Variants in RPS6KA2 observed in about 807,000 individuals in gnomAD.
RPS6KA2 encodes ribosomal protein S6 kinase A2, also known as ribosomal protein S6 kinase alpha-2.
RPS6KA2 carries 42 observed loss-of-function variants against 91.8 expected under a neutral mutation model. The observed-to-expected ratio is 0.46, with a 90% CI of 0.36 to 0.59. The LOEUF is 0.59. Ranked by LOEUF, RPS6KA2 falls within the 20% of genes least tolerant of loss-of-function variation. RPS6KA2 has a pLI of 0.00. For missense variants in RPS6KA2, 798 were observed against 978.5 expected (o/e 0.82, Z 2.46); for synonymous variants, 414 against 393.6 (o/e 1.05, Z -0.61).
intron 2 of RPS6KA2, among the ~76,000 whole-genome samples, chr6:166,714,093 G>A (rs1209945402): frequency 6.6e-6 from 1 of 152,224 alleles, no homozygotes; most frequent in Admixed American, 6.5e-5. Context: ...CCAGCCATCA[G>A]TGATGAATTA....
At chr6:166,826,124 A>G (rs1186267709) in intron 2 of RPS6KA2, among the ~76,000 whole-genome samples, 1 of 152,238 alleles carries the variant, frequency 6.6e-6, no homozygotes, top group African/African-American at 2.4e-5. Context: ...AACAAATGTA[A>G]ATGTTATTAA....
At chr6:166,776,157 G>A (rs1778612397) in intron 2 of RPS6KA2, among the ~76,000 whole-genome samples, 1 of 152,188 alleles carries the variant, frequency 6.6e-6, no homozygotes, top group African/African-American at 2.4e-5. Context: ...ACAGCTTAGA[G>A]GACTTCTACT....
intron 19 of RPS6KA2, among the ~76,000 whole-genome samples, chr6:166,416,199 AACC>A (rs1562478720): frequency 8.7e-5 from 13 of 150,234 alleles, no homozygotes; most frequent in East Asian, 1.9e-4. Flanking sequence ...TTTCTCCATC[AACC>A]CTACCATCAC....
intron 1 of RPS6KA2, among the ~76,000 whole-genome samples, chr6:166,589,560 A>G (rs1484731006): frequency 6.6e-6 from 1 of 152,244 alleles, no homozygotes; most frequent in Non-Finnish European, 1.5e-5. Flanking sequence ...GGCTGCATAA[A>G]CAATGTCATT....
chr6:166,795,796 T>A (rs539753056), intron 2 of RPS6KA2, among the ~76,000 whole-genome samples: 2 of 152,200 alleles, frequency 1.3e-5, no homozygotes, highest in Admixed American at 6.5e-5. Context: ...CAGGAATAAT[T>A]TTCCATAAAA....
intron 14 of RPS6KA2, among the ~76,000 whole-genome samples, chr6:166,442,469 A>G (rs1779550626): frequency 6.6e-6 from 1 of 152,228 alleles, no homozygotes; most frequent in Non-Finnish European, 1.5e-5. Context: ...GATAATGAAA[A>G]TAATTACACC....
At chr6:166,525,780 C>A (rs774567960) in intron 3 of RPS6KA2, among the ~76,000 whole-genome samples, 7 of 152,174 alleles carry the variant, frequency 4.6e-5, no homozygotes, top group Non-Finnish European at 1.0e-4. Context: ...AGCATCCCTG[C>A]GGCTGTTACC....
At chr6:166,577,712 G>A (rs1784878750) in intron 1 of RPS6KA2, among the ~76,000 whole-genome samples, 1 of 152,180 alleles carries the variant, frequency 6.6e-6, no homozygotes. Context: ...TTTGAACTGT[G>A]GACTTTTGGG....
At chr6:166,520,174 A>G (rs1032381472) in intron 3 of RPS6KA2, among the ~76,000 whole-genome samples, 2 of 152,180 alleles carry the variant, frequency 1.3e-5, no homozygotes, top group Admixed American at 1.3e-4. Context: ...TCCTCTCCCC[A>G]CACCAAGTTC....
At chr6:166,857,706 A>G (rs1032586797) in intron 2 of RPS6KA2, among the ~76,000 whole-genome samples, 4 of 151,752 alleles carry the variant, frequency 2.6e-5, no homozygotes, top group Admixed American at 1.3e-4. Context: ...TTCCCAGTCA[A>G]CCCCTACAGG....
At chr6:166,789,477 G>C (rs1183392863) in intron 2 of RPS6KA2, among the ~76,000 whole-genome samples, 3 of 152,260 alleles carry the variant, frequency 2.0e-5, no homozygotes, top group Non-Finnish European at 4.4e-5. Flanking sequence ...AACCTCTGCA[G>C]ACTTAAATGT....
intron 11 of RPS6KA2, among the ~76,000 whole-genome samples, chr6:166,460,246 G>A (rs374787172): frequency 6.6e-6 from 1 of 152,248 alleles, no homozygotes; most frequent in Non-Finnish European, 1.5e-5. Flanking sequence ...TTGGACAGAA[G>A]GCACAGAAAG....
At chr6:166,567,896 A>T (rs73788047) in intron 1 of RPS6KA2, among the ~76,000 whole-genome samples, 7,673 of 152,240 alleles carry the variant, frequency 0.05, 657 homozygotes, top group African/African-American at 0.18. Flanking sequence ...AGAGAAACCT[A>T]TTTCCCTCTG....
chr6:166,676,014 G>A (rs890577196), intron 2 of RPS6KA2, among the ~76,000 whole-genome samples: 3 of 152,202 alleles, frequency 2.0e-5, no homozygotes, highest in Non-Finnish European at 2.9e-5. Flanking sequence ...TCACTGGCTC[G>A]CCAATGAAAA....
chr6:166,824,633 G>A (rs1165065749), intron 2 of RPS6KA2, among the ~76,000 whole-genome samples: 1 of 118,706 alleles, frequency 8.4e-6, no homozygotes. Context: ...GTCTATGTGG[G>A]TGTCTGTATG....
chr6:166,521,708 T>C (rs1358842090), intron 3 of RPS6KA2, among the ~76,000 whole-genome samples: 1 of 152,172 alleles, frequency 6.6e-6, no homozygotes, highest in Non-Finnish European at 1.5e-5. Flanking sequence ...CCATATGATT[T>C]GGATGAGATG....
At chr6:166,525,854 T>G (rs1783007307) in intron 3 of RPS6KA2, among the ~76,000 whole-genome samples, 1 of 152,148 alleles carries the variant, frequency 6.6e-6, no homozygotes, top group Non-Finnish European at 1.5e-5. Flanking sequence ...ATCAGGGATA[T>G]TATGAGGGTG....
intron 5 of RPS6KA2, among the ~76,000 whole-genome samples, chr6:166,506,793 G>C (rs1782243316): frequency 6.6e-6 from 1 of 152,142 alleles, no homozygotes; most frequent in Non-Finnish European, 1.5e-5. Flanking sequence ...GTGGGGAAAA[G>C]GGAGTGGGGG....
intron 14 of RPS6KA2, among the ~76,000 whole-genome samples, chr6:166,432,994 CAA>C (rs397728789): frequency 5.9e-4 from 49 of 82,708 alleles, no homozygotes; most frequent in African/African-American, 1.2e-3. Context: ...GACTCTGTCT[CAA>C]AAAAAAAAAA....
Sources: allele counts gnomAD v4.1 joint callset (sites outside exome capture counted in the v4.1 genomes callset), GRCh38; gene constraint gnomAD v4.1.1; transcripts MANE v1.5; gene names NCBI Gene and HGNC (gene_info 2026-07-23, HGNC 2026-07-21).